Variants in NAV1 observed in about 807,000 individuals in gnomAD.
The protein encoded by NAV1 is pore membrane and/or filament interacting like protein 3.
A neutral mutation model predicts 175.2 loss-of-function variants in NAV1; 18 were observed. The ratio of observed to expected loss-of-function variants is 0.10; its 90% CI spans 0.07 to 0.15. NAV1 has a LOEUF of 0.15. NAV1 is among the 10% of genes least tolerant of loss of function. The pLI is 1.00. For missense variants in NAV1, 1,731 were observed against 2,436.6 expected (o/e 0.71, Z 6.10); for synonymous variants, 897 against 978.7 (o/e 0.92, Z 1.56).
chr1:201,681,837 G>A (rs902484679), intron 1 of NAV1, among the ~76,000 whole-genome samples: 15 of 151,942 alleles, frequency 9.9e-5, no homozygotes, highest in African/African-American at 3.6e-4. Context: ...GCCAAGGGCC[G>A]AGTGCTGTGG....
At chr1:201,784,319 G>T (rs1177489261) in intron 7 of NAV1, among the ~76,000 whole-genome samples, 1 of 152,010 alleles carries the variant, frequency 6.6e-6, no homozygotes, top group Non-Finnish European at 1.5e-5. Context: ...CACCATGCAC[G>T]GCTAATTTTT....
chr1:201,657,886 A>G (rs1442571904), intron 1 of NAV1, among the ~76,000 whole-genome samples: 2 of 152,104 alleles, frequency 1.3e-5, no homozygotes, highest in Non-Finnish European at 2.9e-5. Flanking sequence ...ACAAAAAATT[A>G]GCCAGGAGTG....
intron 1 of NAV1, chr1:201,688,398 G>C (rs1670764562): frequency 6.6e-6 from 1 of 152,186 alleles, no homozygotes; most frequent in South Asian, 2.1e-4. Flanking sequence ...GGGGAAAATG[G>C]GATGTTTTGA....
chr1:201,648,489 G>C, exon 1 of NAV1: 3 of 1,220,204 alleles, frequency 2.5e-6, no homozygotes, highest in Non-Finnish European at 2.0e-6. Context: ...CTGCGCCCTC[G>C]GCTTGCCTCT....
chr1:201,793,886 TG>T lies in NAV1; in HGVS notation c.3405+14del. On this transcript the variant is annotated intron_variant, in intron 14 of 29. Coordinates refer to ENST00000367296, the Ensembl canonical transcript of NAV1. The stretch of plus-strand genomic sequence containing the variant: ...ACGGCCGAGGAGAAGGTGAGAGGCC[TG>T]GGAAAGGGTGGGAGGGGTGGGTGCG... 1 of 479,904 alleles carries T rather than the reference TG, an allele frequency of 2.1e-6. No individual in the cohort carries two copies. The highest frequency in any genetic ancestry group is 3.4e-6 in the Non-Finnish European group (1 of 293,228). The allele number at this position is 479,904 out of a possible 1,614,324, so 29.7% of individuals were successfully genotyped here. A position where few individuals can be genotyped will look rare whatever the true frequency, so the allele number is the denominator to read the frequency against.
chr1:201,803,291 A>T (rs1432796090), intron 15 of NAV1, among the ~76,000 whole-genome samples: 1 of 152,222 alleles, frequency 6.6e-6, no homozygotes, highest in Non-Finnish European at 1.5e-5. Flanking sequence ...AAAACTGTAG[A>T]GGGCTGGCTT....
chr1:201,816,841 C>A, intron 28 of NAV1: 1 of 447,904 alleles, frequency 2.2e-6, no homozygotes, highest in Non-Finnish European at 4.0e-6. Context: ...TTTTTTTTTT[C>A]TTTTTTCTTT....
intron 1 of NAV1, among the ~76,000 whole-genome samples, chr1:201,691,083 G>A (rs2102417351): frequency 6.6e-6 from 1 of 152,318 alleles, no homozygotes; most frequent in East Asian, 1.9e-4. Context: ...GTGTGATAAT[G>A]GAGTGGGTCT....
At chr1:201,701,492 A>G (rs1425618059) in intron 1 of NAV1, among the ~76,000 whole-genome samples, 6 of 152,218 alleles carry the variant, frequency 3.9e-5, no homozygotes, top group African/African-American at 1.2e-4. Context: ...GAGTGCTCCA[A>G]GGTGGTGGAA....
chr1:201,618,396 C>G (rs532580744), upstream of NAV1, among the ~76,000 whole-genome samples: 5 of 152,336 alleles, frequency 3.3e-5, no homozygotes, highest in East Asian at 5.8e-4. Flanking sequence ...CTAGCTAGAT[C>G]TCCAGCATGT....
chr1:201,740,090 C>A lies in NAV1; in HGVS notation c.1226+21335C>A. On this transcript the variant is annotated intron_variant, in intron 3 of 29. Transcript: ENST00000367296. This position sits in a 1 kb window ranked among gnomAD's most constrained non-coding sequence, Gnocchi z 4.7. ...TTTCCCCCGCAGGTAAGCGCCCCCACCCCCCTGGCCTCACCGCCAGACCGC... is the reference window on the plus strand; with the variant it reads ...TTTCCCCCGCAGGTAAGCGCCCCCAACCCCCTGGCCTCACCGCCAGACCGC... 7.0e-7 allele frequency: 1 copy of A among 1,434,892 alleles called. No individual in the cohort carries two copies. The highest frequency in any genetic ancestry group is 9.2e-7 in the Non-Finnish European group (1 of 1,092,826). The allele number at this position is 1,434,892 out of a possible 1,614,324, so 88.9% of individuals were successfully genotyped here.
rs1318335289 is a variant in NAV1, at chr1:201,695,000, CA to C, written c.758-17813del. On this transcript the variant is annotated intron_variant, in intron 1 of 29. Transcript: ENST00000367296. The surrounding 1 kb of genome is among the most constrained non-coding windows in gnomAD (Gnocchi z 4.2). ...TAGAGGGACAGTAGAGATCGTCTGC[CA>C]AAAGGGTTCATATATCCAAAAGGCA... Among the ~76,000 whole-genome samples the C allele has an allele frequency of 2.0e-5, 3 of 152,340 alleles. No individual in the cohort carries two copies. The East Asian group carries it at 5.8e-4, about 29-fold the overall frequency.
At chr1:201,599,662 A>T (rs983375656) in intron 2 of NAV1, among the ~76,000 whole-genome samples, 2 of 152,088 alleles carry the variant, frequency 1.3e-5, no homozygotes, top group Non-Finnish European at 2.9e-5. Flanking sequence ...AGCCCCTCTT[A>T]CTAGGAGGGG....
chr1:201,779,299 A>T (rs1235052033), intron 3 of NAV1, among the ~76,000 whole-genome samples: 2 of 152,096 alleles, frequency 1.3e-5, no homozygotes, highest in Non-Finnish European at 2.9e-5. Context: ...AAACCCAAAA[A>T]TGAACAGCCA....
At chr1:201,575,372 T>C (rs1197475885) in intron 1 of NAV1, among the ~76,000 whole-genome samples, 1 of 152,224 alleles carries the variant, frequency 6.6e-6, no homozygotes, top group East Asian at 1.9e-4. Context: ...TGCTGAGCTA[T>C]AGGATCTAGT....
At chr1:201,760,194 G>A (rs1432714768) in intron 3 of NAV1, among the ~76,000 whole-genome samples, 1 of 152,176 alleles carries the variant, frequency 6.6e-6, no homozygotes, top group Non-Finnish European at 1.5e-5. Context: ...GGCTGGGCAT[G>A]GTGGTTCACG....
intron 1 of NAV1, among the ~76,000 whole-genome samples, chr1:201,551,368 A>G (rs1327104823): frequency 6.6e-6 from 1 of 152,148 alleles, no homozygotes; most frequent in African/African-American, 2.4e-5. Context: ...ACCTGGGATT[A>G]CAGGAGCACA....
upstream of NAV1, among the ~76,000 whole-genome samples, chr1:201,645,521 T>C (rs1571860334): frequency 6.6e-6 from 1 of 151,974 alleles, no homozygotes; most frequent in African/African-American, 2.4e-5. Flanking sequence ...CTGCACCTTG[T>C]GCACATGTAC....
chr1:201,648,211 C>G, upstream of NAV1: 1 of 1,001,490 alleles, frequency 1.0e-6, no homozygotes, highest in Non-Finnish European at 1.2e-6. Context: ...GGCTGGCTGG[C>G]TGAGTGCGGC....
Sources: allele counts gnomAD v4.1 joint callset (sites outside exome capture counted in the v4.1 genomes callset), GRCh38; gene constraint gnomAD v4.1.1; non-coding constraint Gnocchi (gnomAD v3.1); transcripts MANE v1.5; gene names NCBI Gene and HGNC (gene_info 2026-07-23, HGNC 2026-07-21).